OXR1: variants seen among roughly 807,000 people sequenced by gnomAD.
OXR1 encodes the protein oxidation resistance protein 1.
Under a neutral mutation model 104.6 loss-of-function variants are expected in OXR1, and 41 were observed. The observed-to-expected ratio is 0.39, with a 90% CI of 0.31 to 0.51. The LOEUF (loss-of-function observed/expected upper bound fraction) is 0.51. OXR1 is among the 20% of genes least tolerant of loss of function. The pLI is 0.77. For synonymous variants in OXR1, 348 were observed against 348.4 expected (o/e 1.00, Z 0.01); for missense variants, 955 against 1,031.9 (o/e 0.93, Z 1.02).
rs562723175 is a variant in OXR1 at position 106,329,695 on chromosome 8, C to G, written c.-138-29781C>G. On this transcript the variant is annotated intron_variant, in intron 1 of 16. Transcript: ENST00000517566. ...AGATGCACGTTTTGGAGCACAGGAC[C>G]TTTTATGATACATGCCTAGGCTCTG... 2.6e-5 allele frequency among the ~76,000 whole-genome samples: 4 copies of G among 152,286 alleles called. No individual in the cohort carries two copies. In the South Asian group the frequency reaches 8.3e-4, roughly 32 times the overall value.
chr8:106,560,810 G>A (rs1159853893), intron 3 of OXR1, among the ~76,000 whole-genome samples: 4 of 152,162 alleles, frequency 2.6e-5, no homozygotes, highest in Admixed American at 1.3e-4. Flanking sequence ...TGGAGGTACC[G>A]AGTTCATCTC....
In OXR1 at chr8:106,519,990, T is replaced by G. The variant is rs116850600; in HGVS notation, c.220+851T>G. Among the ~76,000 whole-genome samples, 688 of 152,144 alleles carry G rather than the reference T, an allele frequency of 4.5e-3. 4 individuals carry two copies. The highest frequency in any genetic ancestry group is 0.014 in the Middle Eastern group (4 of 294). ...ATCTAGTATATGGGAAAGAATGGTG[T>G]GTAGGGGAGACAAATCCACCCAAAA... is the stretch of plus-strand genomic sequence containing the variant. On this transcript the variant is annotated intron_variant, in intron 3 of 16. Coordinates refer to ENST00000517566, the MANE Select transcript of OXR1 (RefSeq NM_001198533.2).
chr8:106,636,572 T>C (rs990002600), intron 3 of OXR1, among the ~76,000 whole-genome samples: 5 of 152,226 alleles, frequency 3.3e-5, no homozygotes, highest in Admixed American at 2.0e-4. Context: ...CATGTATTTA[T>C]AGAGTGAGTC....
At chr8:106,725,049 A>G (rs922437205) in intron 11 of OXR1, among the ~76,000 whole-genome samples, 3 of 152,162 alleles carry the variant, frequency 2.0e-5, no homozygotes, top group African/African-American at 4.8e-5. Context: ...TGTGACCACA[A>G]TGCACTGTAT....
intron 2 of OXR1, among the ~76,000 whole-genome samples, chr8:106,456,653 G>T (rs760356799): frequency 2.0e-5 from 3 of 152,028 alleles, no homozygotes; most frequent in Non-Finnish European, 4.4e-5. Flanking sequence ...TTTGCAGCTT[G>T]CATAATCTAT....
At chr8:106,489,865 C>T (rs1563556871) in intron 2 of OXR1, among the ~76,000 whole-genome samples, 2 of 152,062 alleles carry the variant, frequency 1.3e-5, no homozygotes, top group South Asian at 2.1e-4. Flanking sequence ...ATATTTCTCA[C>T]CTATCACATA....
intron 6 of OXR1, among the ~76,000 whole-genome samples, chr8:106,688,368 GAATATT>G (rs1446764922): frequency 1.3e-5 from 2 of 151,470 alleles, no homozygotes; most frequent in Non-Finnish European, 2.9e-5. Flanking sequence ...GATAAAAATA[GAATATT>G]AATAACACTT....
In OXR1 at chr8:106,380,851, G is replaced by A. The variant is rs549566969; in HGVS notation, c.23+21215G>A. 4.6e-4 allele frequency among the ~76,000 whole-genome samples: 70 copies of A among 152,212 alleles called. 1 individual carries two copies. The highest frequency in any genetic ancestry group is 1.7e-3 in the African/African-American group (69 of 41,534). On this transcript the variant is annotated intron_variant, in intron 2 of 16. Transcript: ENST00000517566. Reference sequence around the variant, plus strand: ...TAAAAGTTCTTCATATCTTTTAGATGCAGGCCCTTATCAGATATATGATTT... The same window carrying A: ...TAAAAGTTCTTCATATCTTTTAGATACAGGCCCTTATCAGATATATGATTT...
Position 106,390,622 on chromosome 8 carries a change from T to G in OXR1, c.23+30986T>G, listed in dbSNP as rs534934727. ...TGCAGGTGTTCATAAGTATTGCACATACAGTATCATTACGTTACTATTCTG... is the reference window on the plus strand; with the variant it reads ...TGCAGGTGTTCATAAGTATTGCACAGACAGTATCATTACGTTACTATTCTG... On this transcript the variant is annotated intron_variant, in intron 2 of 16. Coordinates refer to ENST00000517566, the MANE Select transcript of OXR1 (RefSeq NM_001198533.2). Among the ~76,000 whole-genome samples the G allele has an allele frequency of 1.1e-3, 174 of 152,310 alleles. 2 individuals are homozygous for G. Among genetic ancestry groups the G allele is most frequent in the Admixed American group, 3.6e-3 (55 of 15,304 alleles).
chr8:106,567,766 A>T (rs1817187509), intron 3 of OXR1, among the ~76,000 whole-genome samples: 1 of 152,166 alleles, frequency 6.6e-6, no homozygotes, highest in Non-Finnish European at 1.5e-5. Context: ...TTTTTAAATA[A>T]TTTTCTGCAG....
At chr8:106,572,982 C>A (rs115920844) in intron 3 of OXR1, among the ~76,000 whole-genome samples, 191 of 152,202 alleles carry the variant, frequency 1.3e-3, no homozygotes, top group African/African-American at 4.3e-3. Flanking sequence ...AGATCAAAGG[C>A]ATGGGAACCA....
intron 3 of OXR1, among the ~76,000 whole-genome samples, chr8:106,644,913 T>G (rs894362108): frequency 6.6e-6 from 1 of 152,248 alleles, no homozygotes; most frequent in African/African-American, 2.4e-5. Context: ...TGGAGAATTT[T>G]AATTTTTTAA....
chr8:106,621,954 A>G (rs2061684), intron 3 of OXR1, among the ~76,000 whole-genome samples: 8,400 of 152,250 alleles, frequency 0.055, 275 homozygotes, highest in South Asian at 0.077. Context: ...AACACATCAG[A>G]CCCACTTGAT....
intron 2 of OXR1, among the ~76,000 whole-genome samples, chr8:106,373,955 T>A (rs944365280): frequency 1.8e-4 from 28 of 152,210 alleles, no homozygotes; most frequent in African/African-American, 6.8e-4. Flanking sequence ...GTAATAGGAA[T>A]TACTTAAAAT....
chr8:106,468,433 A>T (rs1821303184), intron 2 of OXR1, among the ~76,000 whole-genome samples: 2 of 151,844 alleles, frequency 1.3e-5, no homozygotes, highest in Admixed American at 1.3e-4. Context: ...AAAAACAACA[A>T]CACTTCAGGA....
chr8:106,453,181 T>C (rs558039202), intron 2 of OXR1, among the ~76,000 whole-genome samples: 5 of 152,318 alleles, frequency 3.3e-5, no homozygotes, highest in Non-Finnish European at 7.4e-5. Context: ...CACTTCGAGC[T>C]CACCCAGTTG....
At chr8:106,747,083 T>C (rs1420271791) in intron 16 of OXR1, among the ~76,000 whole-genome samples, 11 of 152,018 alleles carry the variant, frequency 7.2e-5, no homozygotes, top group Admixed American at 7.2e-4. Flanking sequence ...CTACAGGGAG[T>C]TGATATTCCA....
intron 3 of OXR1, among the ~76,000 whole-genome samples, chr8:106,539,906 A>G (rs765668241): frequency 2.1e-4 from 32 of 152,250 alleles, no homozygotes; most frequent in Non-Finnish European, 4.3e-4. Context: ...TGAGATCAAC[A>G]TATGACAAGA....
chr8:106,315,914 A>G (rs951895971), intron 1 of OXR1, among the ~76,000 whole-genome samples: 3 of 152,210 alleles, frequency 2.0e-5, no homozygotes, highest in Admixed American at 2.0e-4. Flanking sequence ...ACGTGTGTGT[A>G]TTATTTTTAA....
Sources: allele counts gnomAD v4.1 joint callset (sites outside exome capture counted in the v4.1 genomes callset), GRCh38; gene constraint gnomAD v4.1.1; transcripts MANE v1.5; gene names NCBI Gene and HGNC (gene_info 2026-07-23, HGNC 2026-07-21).